Variants in SMO observed in about 807,000 individuals in gnomAD.
SMO encodes protein smoothened.
SMO carries 40 observed loss-of-function variants against 81.6 expected under a neutral mutation model. The ratio of observed to expected loss-of-function variants is 0.49; its 90% CI spans 0.38 to 0.64. The LOEUF (loss-of-function observed/expected upper bound fraction) is 0.64, where lower values mean the gene tolerates loss of function less well. SMO is among the 30% of genes least tolerant of loss of function. The pLI, the probability that SMO is intolerant of heterozygous loss-of-function variation, is 0.00. For synonymous variants in SMO, 434 were observed against 432.1 expected, an observed-to-expected ratio of 1.00 and a Z score of -0.05; for missense variants, 916 against 1,061.1, an observed-to-expected ratio of 0.86 and a Z score of 1.90.
intron 1 of SMO, among the ~76,000 whole-genome samples, chr7:129,203,030 T>A (rs571008789): frequency 6.6e-6 from 1 of 152,292 alleles, no homozygotes; most frequent in African/African-American, 2.4e-5. Context: ...CAACATCCCA[T>A]GTAACCAGTA....
intron 1 of SMO, among the ~76,000 whole-genome samples, chr7:129,190,988 A>T (rs1313957376): frequency 1.3e-5 from 2 of 151,428 alleles, no homozygotes; most frequent in South Asian, 2.1e-4. Flanking sequence ...ATAATAATAA[A>T]AAGAACACCA....
intron 1 of SMO, among the ~76,000 whole-genome samples, chr7:129,191,702 C>T (rs541253202): frequency 1.6e-4 from 24 of 152,212 alleles, no homozygotes; most frequent in African/African-American, 5.8e-4. Context: ...TCAGTGTTAC[C>T]TGGCTCTTAG....
rs1429701189 is a variant in SMO at position 129,211,419 on chromosome 7, G to T, written c.1802-217G>T. On this transcript the variant is annotated intron_variant, in intron 10 of 11. Coordinates refer to ENST00000249373, the MANE Select transcript of SMO (RefSeq NM_005631.5). This position sits in a 1 kb window ranked among gnomAD's most constrained non-coding sequence, Gnocchi z 4.6. ...GGGCAAGAGTAAGTCAGGGTTCCAA[G>T]AACTGGATTTCTGGCCTCCAGTTAG... is the stretch of plus-strand genomic sequence containing the variant. 7 of 716,330 alleles carry T rather than the reference G, an allele frequency of 9.8e-6. No homozygotes were observed. The highest frequency in any genetic ancestry group is 1.8e-5 in the Non-Finnish European group (7 of 398,548). The allele number at this position is 716,330 out of a possible 1,614,324, so 44.4% of individuals were successfully genotyped here.
intron 1 of SMO, among the ~76,000 whole-genome samples, chr7:129,194,725 T>C (rs1308328187): frequency 6.6e-6 from 1 of 152,246 alleles, no homozygotes; most frequent in Non-Finnish European, 1.5e-5. Flanking sequence ...TTTTACTTTA[T>C]ATCATTATGT....
In SMO at chr7:129,211,553, A is replaced by T. The variant is rs1184950314; in HGVS notation, c.1802-83A>T. On this transcript the variant is annotated intron_variant, in intron 10 of 11. Transcript: ENST00000249373. This position sits in a 1 kb window ranked among gnomAD's most constrained non-coding sequence, Gnocchi z 4.6. ...AGCAGGAGGGACTGGCTGTGGGAAG[A>T]TGAATGGCACTGACTATGGGAGGCA... 2 of 1,461,546 alleles carry T rather than the reference A, an allele frequency of 1.4e-6. No individual in the cohort carries two copies. Among genetic ancestry groups the T allele is most frequent in the African/African-American group, 2.8e-5 (2 of 71,916 alleles). 90.5% of individuals were successfully genotyped at this position (1,461,546 alleles called of 1,614,324 possible).
rs1484821374 is a variant in SMO, at chr7:129,208,192, C to T, written c.1265-567C>T. Among the ~76,000 whole-genome samples the T allele has an allele frequency of 6.6e-6, 1 of 152,082 alleles. No individual in the cohort carries two copies. The highest frequency in any genetic ancestry group is 1.5e-5 in the Non-Finnish European group (1 of 68,016). On this transcript the variant is annotated intron_variant, in intron 6 of 11. Transcript: ENST00000249373. The surrounding 1 kb of genome is among the most constrained non-coding windows in gnomAD (Gnocchi z 5.2). ...GGGAAGGCCGGCATGGTGGCTCACACCTGTAATCCCAGCACTTTGGGAGGC... is the reference window on the plus strand; with the variant it reads ...GGGAAGGCCGGCATGGTGGCTCACATCTGTAATCCCAGCACTTTGGGAGGC...
chr7:129,211,439 A>G lies in SMO; in HGVS notation c.1802-197A>G. On this transcript the variant is annotated intron_variant, in intron 10 of 11. Transcript: ENST00000249373. The surrounding 1 kb of genome is among the most constrained non-coding windows in gnomAD (Gnocchi z 4.6). ...TCCAAGAACTGGATTTCTGGCCTCC[A>G]GTTAGGCCCTTTGGGGACGTGAGGC... 1.4e-6 allele frequency: 1 copy of G among 731,454 alleles called. No homozygotes were observed. The highest frequency in any genetic ancestry group is 2.0e-5 in the Admixed American group (1 of 50,006). 45.3% of individuals were successfully genotyped at this position (731,454 alleles called of 1,614,324 possible).
In SMO at chr7:129,189,978, C is replaced by T. The variant is rs1428344371; in HGVS notation, c.331+496C>T. ...GAAGTTTTGAAGGAAAAGAAACCTCCCTAGTGATGAATTATTAAAAGGTAA... is the reference window on the plus strand; with the variant it reads ...GAAGTTTTGAAGGAAAAGAAACCTCTCTAGTGATGAATTATTAAAAGGTAA... On this transcript the variant is annotated intron_variant, in intron 1 of 11. Transcript: ENST00000249373. The surrounding 1 kb of genome is among the most constrained non-coding windows in gnomAD (Gnocchi z 4.7). Among the ~76,000 whole-genome samples the T allele has an allele frequency of 1.3e-5, 2 of 151,940 alleles. No individual in the cohort carries two copies. The highest frequency in any genetic ancestry group is 2.4e-5 in the African/African-American group (1 of 41,348).
rs759752563 is a variant in SMO at position 129,211,733 on chromosome 7, G to T, written c.1899G>T (p.Leu633=). 6.2e-6 allele frequency: 10 copies of T among 1,614,026 alleles called. No individual in the cohort carries two copies. The highest frequency in any genetic ancestry group is 8.5e-6 in the Non-Finnish European group (10 of 1,179,998). The change falls in exon 11 of 12, where the codon CTG becomes CTT. Residue 633 remains leucine, a synonymous_variant. Coordinates refer to ENST00000249373, the MANE Select transcript of SMO (RefSeq NM_005631.5). The surrounding 1 kb of genome is among the most constrained non-coding windows in gnomAD (Gnocchi z 4.6). ...TGGTGGCTCGGAGAGGAGCCATACT[G>T]CCCCAGGATATTTCTGTCACCCCTG... The part of the protein sequence containing the change: ...TKMVARRGAI[L]PQDISVTPVA...
Position 129,206,255 on chromosome 7 carries a change from C to T in SMO, c.1026C>T (p.Ser342=), listed in dbSNP as rs759074685. ...FVVLTYAWHT[S]FKALGTTYQP... is the part of the protein sequence containing the mutation. ...TCCTCACCTATGCCTGGCACACTTC[C>T]TTCAAAGCCCTGGGCACCACCTACC... Residue 342 remains serine, a synonymous_variant, in exon 5 of 12, where the codon TCC becomes TCT. Transcript: ENST00000249373. This position sits in a 1 kb window ranked among gnomAD's most constrained non-coding sequence, Gnocchi z 4.4. 4.2e-5 allele frequency: 68 copies of T among 1,614,084 alleles called. No individual in the cohort carries two copies. The highest frequency in any genetic ancestry group is 5.7e-5 in the Non-Finnish European group (67 of 1,180,032).
At chr7:129,203,663 G>A (rs763505508) in intron 2 of SMO, 74 bp downstream of exon 2, 34 of 1,185,442 alleles carry the variant, frequency 2.9e-5, no homozygotes, top group Non-Finnish European at 3.9e-5. Flanking sequence ...GTCCAGTGGG[G>A]AGCAGGGGAG....
In SMO at chr7:129,212,724, G is replaced by C; in HGVS notation, c.*273G>C. On this transcript the variant is annotated 3_prime_UTR_variant, in exon 12 of 12. Coordinates refer to ENST00000249373, the MANE Select transcript of SMO (RefSeq NM_005631.5). The surrounding 1 kb of genome is among the most constrained non-coding windows in gnomAD (Gnocchi z 5.0). The stretch of plus-strand genomic sequence containing the variant: ...AGCTGCAGCCTGGTTGGCAGCATCT[G>C]CTCCATCGGGGCAGGGGGTATGCAG... 1.9e-6 allele frequency: 1 copy of C among 524,412 alleles called. No homozygotes were observed. The allele number at this position is 524,412 out of a possible 1,614,324, so 32.5% of individuals were successfully genotyped here.
intron 1 of SMO, among the ~76,000 whole-genome samples, chr7:129,193,788 ATATATAT>A (rs1793522349): frequency 7.6e-5 from 4 of 52,958 alleles, no homozygotes; most frequent in African/African-American, 2.9e-4. Flanking sequence ...AAAAAAAAAT[ATATATAT>A]ATATATATAT....
At chr7:129,193,196 G>A (rs1226246172) in intron 1 of SMO, among the ~76,000 whole-genome samples, 3 of 152,162 alleles carry the variant, frequency 2.0e-5, no homozygotes, top group East Asian at 1.9e-4. Flanking sequence ...TGGCAGTGGC[G>A]ATAGGTCCCT....
chr7:129,208,646 A>G lies in SMO; in HGVS notation c.1265-113A>G. On this transcript the variant is annotated intron_variant, in intron 6 of 11. Transcript: ENST00000249373. The surrounding 1 kb of genome is among the most constrained non-coding windows in gnomAD (Gnocchi z 5.2). The stretch of plus-strand genomic sequence containing the variant: ...AGCTCCCCAGGTTTTCATTTAGCAC[A>G]GGGGTAATCAGACTTGGGACTCCAG... 7.5e-6 allele frequency: 5 copies of G among 664,574 alleles called. No homozygotes were observed. The highest frequency in any genetic ancestry group is 6.6e-5 in the South Asian group (4 of 60,384). 41.2% of individuals were successfully genotyped at this position (664,574 alleles called of 1,614,324 possible). A position where few individuals can be genotyped will look rare whatever the true frequency, so the allele number is the denominator to read the frequency against.
At chr7:129,205,914 A>C (rs928935053) in intron 4 of SMO, 132 bp downstream of exon 4, 1 of 782,450 alleles carries the variant, frequency 1.3e-6, no homozygotes, top group Non-Finnish European at 2.0e-6. Flanking sequence ...TGCATACTGC[A>C]TGCAAGATCT....
intron 7 of SMO, 179 bp from the exon 8 acceptor site, chr7:129,209,110 G>T: frequency 1.6e-6 from 1 of 610,894 alleles, no homozygotes; most frequent in East Asian, 2.8e-5. Flanking sequence ...TCCCACAGTT[G>T]CTTCAAGTGC....
chr7:129,209,431 A>T (rs1486787098), intron 8 of SMO, 34 bp downstream of exon 8: 2 of 1,461,188 alleles, frequency 1.4e-6, no homozygotes, highest in African/African-American at 2.8e-5. Context: ...CAGTGCTGGG[A>T]GCTGGAGCCA....
At chr7:129,203,701 G>A (rs1793710369) in intron 2 of SMO, 112 bp downstream of exon 2, 4 of 791,786 alleles carry the variant, frequency 5.1e-6, no homozygotes, top group Admixed American at 5.4e-5. Context: ...TGGAGACCCT[G>A]AGCCTACAGC....
Sources: allele counts gnomAD v4.1 joint callset (sites outside exome capture counted in the v4.1 genomes callset), GRCh38; gene constraint gnomAD v4.1.1; non-coding constraint Gnocchi (gnomAD v3.1); transcripts MANE v1.5; gene names NCBI Gene and HGNC (gene_info 2026-07-23, HGNC 2026-07-21).